Variants in PIR observed in about 807,000 individuals in gnomAD.
The protein encoded by PIR is pirin (iron-binding nuclear protein).
PIR carries 22 observed loss-of-function variants against 24.2 expected under a neutral mutation model. The ratio of observed to expected loss-of-function variants is 0.91; its 90% CI spans 0.65 to 1.30. PIR has a LOEUF of 1.30. PIR is among the 50% of genes most tolerant of loss of function. PIR has a pLI of 0.00. For synonymous variants in PIR, 80 were observed against 79.6 expected, an observed-to-expected ratio of 1.00 and a Z score of -0.03; for missense variants, 220 against 220.3, an observed-to-expected ratio of 1.00 and a Z score of 0.01.
chrX:15,458,302 T>A (rs955284551), intron 4 of PIR, among the ~76,000 whole-genome samples: 2 of 111,679 alleles, frequency 1.8e-5, no homozygotes, highest in Admixed American at 1.9e-4. Context: ...AAAACATCTT[T>A]AAATCCCCAT....
At chrX:15,452,179 T>A (rs771263759) in intron 5 of PIR, among the ~76,000 whole-genome samples, 26 of 111,838 alleles carry the variant, frequency 2.3e-4, no homozygotes, top group Non-Finnish European at 4.3e-4. Flanking sequence ...AGTAGAGGCG[T>A]GTTTTTGGAA....
At chrX:15,386,109 T>C (rs111792415) in intron 9 of PIR, among the ~76,000 whole-genome samples, 2,232 of 112,239 alleles carry the variant, frequency 0.02, 60 homozygotes, top group African/African-American at 0.067. Context: ...TCAGTGTATG[T>C]CCTCATCCAG....
At chrX:15,486,382 T>G (rs1341585865) in intron 2 of PIR, among the ~76,000 whole-genome samples, 1 of 108,286 alleles carries the variant, frequency 9.2e-6, no homozygotes, top group Non-Finnish European at 1.9e-5. Context: ...CCTGGAATTT[T>G]ATTTACAACA....
chrX:15,483,095 G>A (rs777797468), intron 2 of PIR, among the ~76,000 whole-genome samples: 9 of 103,376 alleles, frequency 8.7e-5, no homozygotes, highest in Admixed American at 3.2e-4. Flanking sequence ...CTCATTCTCC[G>A]GTTTTATCTT....
At chrX:15,425,516 A>C (rs1406494617) in intron 6 of PIR, among the ~76,000 whole-genome samples, 2 of 103,761 alleles carry the variant, frequency 1.9e-5, no homozygotes, top group Non-Finnish European at 3.9e-5. Context: ...GGTTCAAGTG[A>C]TTCTCCTGCC....
intron 6 of PIR, among the ~76,000 whole-genome samples, chrX:15,409,516 C>T (rs1299942313): frequency 9.0e-6 from 1 of 111,362 alleles, no homozygotes; most frequent in Non-Finnish European, 1.9e-5. Context: ...GCAAATTGTG[C>T]ACCTTTGGCG....
intron 3 of PIR, among the ~76,000 whole-genome samples, chrX:15,472,142 C>T (rs1386896203): frequency 2.7e-5 from 3 of 112,032 alleles, no homozygotes; most frequent in African/African-American, 9.7e-5. Context: ...ACCATGAGGG[C>T]ACAGTTCATC....
chrX:15,442,171 A>C (rs1925937174), intron 5 of PIR, among the ~76,000 whole-genome samples: 1 of 110,620 alleles, frequency 9.0e-6, no homozygotes, highest in Admixed American at 9.6e-5. Context: ...TCACATCTCA[A>C]TGTCACATTT....
chrX:15,396,852 T>C (rs1375626192), intron 8 of PIR, among the ~76,000 whole-genome samples: 6 of 111,086 alleles, frequency 5.4e-5, no homozygotes, highest in Admixed American at 9.5e-5. Flanking sequence ...GCCATTCTTC[T>C]GCCTCAGCCT....
intron 2 of PIR, among the ~76,000 whole-genome samples, chrX:15,489,216 C>G (rs1256556099): frequency 8.9e-6 from 1 of 112,083 alleles, no homozygotes; most frequent in Non-Finnish European, 1.9e-5. Context: ...AGAACTGCCA[C>G]CAAATCGTGT....
intron 5 of PIR, among the ~76,000 whole-genome samples, chrX:15,436,771 G>A (rs931945355): frequency 8.9e-5 from 10 of 112,288 alleles, no homozygotes; most frequent in South Asian, 3.7e-4. Flanking sequence ...GATGTAACAC[G>A]GGAAACTCAT....
intron 5 of PIR, among the ~76,000 whole-genome samples, chrX:15,427,844 T>C (rs1450397762): frequency 9.2e-6 from 1 of 108,795 alleles, no homozygotes; most frequent in Non-Finnish European, 1.9e-5. Context: ...TGTGTGCATA[T>C]GTGTGTGTAT....
chrX:15,430,492 G>C (rs1400363812), intron 5 of PIR, among the ~76,000 whole-genome samples: 2 of 111,658 alleles, frequency 1.8e-5, no homozygotes, highest in Non-Finnish European at 3.8e-5. Flanking sequence ...CTACAACAGG[G>C]CTGCTACCAA....
Position 15,469,533 on chromosome X carries a change from A to C in PIR, c.190-9793T>G, listed in dbSNP as rs747130635. Among the ~76,000 whole-genome samples the C allele has an allele frequency of 7.1e-5, 8 of 111,985 alleles. No individual in the cohort carries two copies. In the Admixed American group the frequency reaches 7.6e-4, roughly 11 times the overall value. Reference sequence around the variant, plus strand: ...TAAAGAGAAGTACAAGCAAATCTAGAAGAAAGATTGATTGTGACAAAGATT... The same window carrying C: ...TAAAGAGAAGTACAAGCAAATCTAGCAGAAAGATTGATTGTGACAAAGATT... On this transcript the variant is annotated intron_variant, in intron 3 of 9. Coordinates refer to ENST00000380420, the MANE Select transcript of PIR (RefSeq NM_001018109.3).
chrX:15,451,617 A>G (rs1920966999), intron 5 of PIR, among the ~76,000 whole-genome samples: 1 of 111,545 alleles, frequency 9.0e-6, no homozygotes, highest in Non-Finnish European at 1.9e-5. Flanking sequence ...TGTATATTTT[A>G]ATGATTTCAT....
intron 2 of PIR, 80 bp from the exon 3 acceptor site, chrX:15,479,901 G>T (rs1288502994): frequency 2.3e-5 from 11 of 473,271 alleles, no homozygotes; most frequent in African/African-American, 2.0e-4. Flanking sequence ...AACAGATCTA[G>T]CAAGCCTCAT....
chrX:15,450,757 A>T, intron 5 of PIR, among the ~76,000 whole-genome samples: 1 of 112,568 alleles, frequency 8.9e-6, no homozygotes, highest in East Asian at 2.8e-4. Flanking sequence ...GTGCTATAAA[A>T]GTATTCCCCT....
intron 4 of PIR, among the ~76,000 whole-genome samples, chrX:15,458,695 A>C (rs1298871825): frequency 2.7e-5 from 3 of 112,595 alleles, no homozygotes; most frequent in Admixed American, 9.4e-5. Context: ...AAAAACTCTG[A>C]ATAAACTGAA....
rs772452545 is a variant in PIR at position 15,443,985 on chromosome X, T to C, written c.480+11863A>G. Among the ~76,000 whole-genome samples, 3 of 112,626 alleles carry C rather than the reference T, an allele frequency of 2.7e-5. No individual in the cohort carries two copies. In the Admixed American group the frequency reaches 2.8e-4, roughly 11 times the overall value. On this transcript the variant is annotated intron_variant, in intron 5 of 9. Transcript: ENST00000380420. ...TCTCCTGGTGAAGATGCTGTAAACA[T>C]TGTGGAAATGACAATAAAAGTTTTA... is the stretch of plus-strand genomic sequence containing the variant.
Sources: allele counts gnomAD v4.1 joint callset (sites outside exome capture counted in the v4.1 genomes callset), GRCh38; gene constraint gnomAD v4.1.1; transcripts MANE v1.5; gene names NCBI Gene and HGNC (gene_info 2026-07-23, HGNC 2026-07-21).